The following PMS1 variants were observed in gnomAD, a reference collection of about 807,000 sequenced individuals.
PMS1 encodes PMS1 homolog 1, mismatch repair system component.
PMS1 carries 79 observed loss-of-function variants against 93.1 expected under a neutral mutation model. That is an observed-to-expected ratio of 0.85 (90% CI 0.71 to 1.02). The LOEUF (loss-of-function observed/expected upper bound fraction) is 1.02, where lower values mean the gene tolerates loss of function less well. Ranked by LOEUF, PMS1 falls within the 50% of genes least tolerant of loss-of-function variation. The pLI, the probability that PMS1 is intolerant of heterozygous loss-of-function variation, is 0.00. For synonymous variants in PMS1, 335 were observed against 363.4 expected (o/e 0.92, Z 0.89); for missense variants, 1,064 against 1,085.3 (o/e 0.98, Z 0.28).
intron 1 of PMS1, among the ~76,000 whole-genome samples, chr2:189,786,386 G>C (rs1318367549): frequency 6.6e-6 from 1 of 152,170 alleles, no homozygotes; most frequent in Non-Finnish European, 1.5e-5. Context: ...AGGAGAGAAA[G>C]GCCGAATGGA....
At chr2:189,835,629 G>T (rs2053313334) in intron 5 of PMS1, among the ~76,000 whole-genome samples, 1 of 151,968 alleles carries the variant, frequency 6.6e-6, no homozygotes, top group Non-Finnish European at 1.5e-5. Flanking sequence ...TAAACTTATG[G>T]TACTTAAGAA....
intron 5 of PMS1, among the ~76,000 whole-genome samples, chr2:189,822,730 A>G (rs975535942): frequency 9.9e-5 from 15 of 152,266 alleles, no homozygotes; most frequent in Admixed American, 5.9e-4. Context: ...TTGCTAAGCA[A>G]GAAACTGAAC....
intron 5 of PMS1, among the ~76,000 whole-genome samples, chr2:189,830,149 C>T (rs528062609): frequency 2.0e-5 from 3 of 152,286 alleles, no homozygotes; most frequent in African/African-American, 7.2e-5. Context: ...TCTCTTACAG[C>T]TGTTCAGCCC....
chr2:189,785,121 C>G (rs927341811), intron 1 of PMS1, among the ~76,000 whole-genome samples: 2 of 152,140 alleles, frequency 1.3e-5, no homozygotes, highest in African/African-American at 4.8e-5. Context: ...TGTAATTTCC[C>G]TCACCTTGGC....
chr2:189,809,960 T>C (rs1443918684), intron 4 of PMS1, among the ~76,000 whole-genome samples: 1 of 152,244 alleles, frequency 6.6e-6, no homozygotes, highest in Admixed American at 6.5e-5. Context: ...CAGGTATCTC[T>C]TTTTACTTTC....
Position 189,877,579 on chromosome 2 carries a change from A to C in PMS1, c.*143A>C. 1 of 627,372 alleles carries C rather than the reference A, an allele frequency of 1.6e-6. No individual in the cohort carries two copies. Among genetic ancestry groups the C allele is most frequent in the Non-Finnish European group, 2.8e-6 (1 of 359,484 alleles). 38.9% of individuals were successfully genotyped at this position (627,372 alleles called of 1,614,324 possible). Reference sequence around the variant, plus strand: ...TTCACTGACTTGTTTTTATATTGAAAAAAGTTCCACGTATTGTAGAAAACG... The same window carrying C: ...TTCACTGACTTGTTTTTATATTGAACAAAGTTCCACGTATTGTAGAAAACG... On this transcript the variant is annotated 3_prime_UTR_variant, in exon 13 of 13. Transcript: ENST00000441310.
intron 6 of PMS1, among the ~76,000 whole-genome samples, chr2:189,847,409 C>G (rs2054344031): frequency 6.6e-6 from 1 of 151,748 alleles, no homozygotes; most frequent in Non-Finnish European, 1.5e-5. Flanking sequence ...CTCAGGTTTC[C>G]CGTCTTTAAT....
rs1321936517 is a variant in PMS1, at chr2:189,834,933, T to C, written c.583-9031T>C. On this transcript the variant is annotated intron_variant, in intron 5 of 12. Transcript: ENST00000441310. ...TTTGTAGAGACAGGGTCTCACTGTGTTGCCCAGGCTGGTCTTGAACTCCTG... is the reference window on the plus strand; with the variant it reads ...TTTGTAGAGACAGGGTCTCACTGTGCTGCCCAGGCTGGTCTTGAACTCCTG... Among the ~76,000 whole-genome samples, 11 of 152,302 alleles carry C rather than the reference T, an allele frequency of 7.2e-5. No homozygotes were observed. The East Asian group carries it at 9.7e-4, about 13-fold the overall frequency.
At chr2:189,867,224 G>A (rs1254823125) in intron 10 of PMS1, among the ~76,000 whole-genome samples, 1 of 152,172 alleles carries the variant, frequency 6.6e-6, no homozygotes, top group Admixed American at 6.5e-5. Context: ...AAACCAATAT[G>A]TGTGGTTGAT....
rs2048897350 is a variant in PMS1, at chr2:189,791,864, A to G, written c.55A>G (p.Thr19Ala). 7.4e-6 allele frequency: 12 copies of G among 1,613,896 alleles called. No homozygotes were observed. Among genetic ancestry groups the G allele is most frequent in the Non-Finnish European group, 9.3e-6 (11 of 1,179,746 alleles). The change falls in exon 2 of 13, where the codon ACT becomes GCT. Residue 19 changes from threonine (T) to alanine (A), a missense_variant. By Grantham distance (58) the Thr-to-Ala change is moderately conservative (BLOSUM62 0). Transcript: ENST00000441310. The part of the protein sequence containing the change: ...VRLLSSSQII[T>A]SVVSVVKELI... ...ACTCCTTTCAAGTTCTCAGATCATC[A>G]CTTCGGTGGTCAGTGTTGTAAAAGA...
chr2:189,855,087 T>G lies in PMS1; in HGVS notation c.1815T>G (p.Ile605Met). ...KTSLEDATLQIEELWKTLSEE... is the reference protein window; with the variant it reads ...KTSLEDATLQMEELWKTLSEE... ...GTTTAGAGGATGCAACACTACAAAT[T>G]GAAGAACTGTGGAAGACATTGAGTG... The change falls in exon 9 of 13, where the codon ATT (isoleucine) becomes ATG (methionine). Residue 605 changes from isoleucine (I) to methionine (M), a missense_variant. Physicochemically the swap from Ile to Met is conservative, Grantham distance 10. Transcript: ENST00000441310. 1 of 1,613,448 alleles carries G rather than the reference T, an allele frequency of 6.2e-7. No homozygotes were observed. Among genetic ancestry groups the G allele is most frequent in the South Asian group, 1.1e-5 (1 of 91,062 alleles).
At chr2:189,841,007 C>G (rs1463299399) in intron 5 of PMS1, among the ~76,000 whole-genome samples, 2 of 152,304 alleles carry the variant, frequency 1.3e-5, no homozygotes, top group African/African-American at 4.8e-5. Flanking sequence ...AGACCCTTTA[C>G]TTTTTGAGAA....
rs534209879 is a variant in PMS1, at chr2:189,795,697, T to C, written c.133-72T>C. The stretch of plus-strand genomic sequence containing the variant: ...TAAATAAATGTCAAAATTCTTTCAC[T>C]TGTGTTTCTTTCTAAGTGTGATAAC... On this transcript the variant is annotated intron_variant, in intron 2 of 12. Transcript: ENST00000441310. 1.8e-5 allele frequency: 22 copies of C among 1,200,080 alleles called. No homozygotes were observed. In the African/African-American group the frequency reaches 2.7e-4, roughly 15 times the overall value. The allele number at this position is 1,200,080 out of a possible 1,614,324, so 74.3% of individuals were successfully genotyped here.
At chr2:189,818,951 G>A (rs1028235771) in intron 5 of PMS1, among the ~76,000 whole-genome samples, 12 of 152,140 alleles carry the variant, frequency 7.9e-5, no homozygotes, top group Non-Finnish European at 1.0e-4. Flanking sequence ...TTGTTACATG[G>A]ATATGTTGTG....
In PMS1 at chr2:189,864,154, G is replaced by A; in HGVS notation, c.2268G>A (p.Leu756=). 1.2e-6 allele frequency: 2 copies of A among 1,610,496 alleles called. No individual in the cohort carries two copies. The highest frequency in any genetic ancestry group is 4.5e-5 in the East Asian group (2 of 44,830). ...ATCCATATAGAGTAGAAGAAGCCCT[G>A]CTATTTAAAAGACTTCTTGAGAATC... is the stretch of plus-strand genomic sequence containing the variant. ...LLNPYRVEEA[L]LFKRLLENHK... The change falls in exon 10 of 13, where the codon CTG becomes CTA. Residue 756 remains leucine, a synonymous_variant. Coordinates refer to ENST00000441310, the MANE Select transcript of PMS1 (RefSeq NM_000534.5).
chr2:189,850,342 G>A (rs1307709759), intron 6 of PMS1, among the ~76,000 whole-genome samples: 1 of 152,076 alleles, frequency 6.6e-6, no homozygotes, highest in Non-Finnish European at 1.5e-5. Flanking sequence ...AGAGGAGATG[G>A]GTTTAACAGA....
chr2:189,805,594 T>C lies in PMS1; in HGVS notation c.316-58T>C, dbSNP rs958957980. The C allele has an allele frequency of 3.9e-6, 5 of 1,284,810 alleles. No individual in the cohort carries two copies. The African/African-American group carries it at 5.9e-5, about 15-fold the overall frequency. 79.6% of individuals were successfully genotyped at this position (1,284,810 alleles called of 1,614,324 possible). Reference sequence around the variant, plus strand: ...TGCAATAATCATTTCAAATCTTTGATAATGAACCCATCGCAATATCTAAAG... The same window carrying C: ...TGCAATAATCATTTCAAATCTTTGACAATGAACCCATCGCAATATCTAAAG... On this transcript the variant is annotated intron_variant, in intron 3 of 12. Coordinates refer to ENST00000441310, the MANE Select transcript of PMS1 (RefSeq NM_000534.5).
chr2:189,835,034 C>G (rs1363035789), intron 5 of PMS1, among the ~76,000 whole-genome samples: 1 of 152,150 alleles, frequency 6.6e-6, no homozygotes, highest in Non-Finnish European at 1.5e-5. Context: ...TTTAAAAGAT[C>G]ATACCTTTAC....
intron 4 of PMS1, among the ~76,000 whole-genome samples, chr2:189,808,504 T>G (rs1386710256): frequency 6.6e-6 from 1 of 151,924 alleles, no homozygotes; most frequent in East Asian, 1.9e-4. Flanking sequence ...ATTTTTGTGT[T>G]TTTTTTAGTA....
Sources: allele counts gnomAD v4.1 joint callset (sites outside exome capture counted in the v4.1 genomes callset), GRCh38; gene constraint gnomAD v4.1.1; transcripts MANE v1.5; gene names NCBI Gene and HGNC (gene_info 2026-07-23, HGNC 2026-07-21).